The following PCDH15 variants were observed in gnomAD, a reference collection of about 807,000 sequenced individuals.
The protein encoded by PCDH15 is protocadherin-15.
A neutral mutation model predicts 178.5 loss-of-function variants in PCDH15; 129 were observed. The ratio of observed to expected loss-of-function variants is 0.72; its 90% CI spans 0.63 to 0.84. The LOEUF is 0.84. Among genes scored for constraint, PCDH15 ranks in the 40% least tolerant of loss-of-function variants. The pLI is 0.00. For synonymous variants in PCDH15, 800 were observed against 732.0 expected (o/e 1.09, Z -1.50); for missense variants, 2,230 against 2,099.9 (o/e 1.06, Z -1.21).
chr10:55,246,505 G>A (rs185525200), intron 1 of PCDH15, among the ~76,000 whole-genome samples: 24 of 152,178 alleles, frequency 1.6e-4, no homozygotes, highest in Admixed American at 3.9e-4. Context: ...CACTCAAATT[G>A]GAATTTAAAA....
intron 2 of PCDH15, among the ~76,000 whole-genome samples, chr10:54,958,873 C>T (rs1323057160): frequency 6.6e-6 from 1 of 151,792 alleles, no homozygotes; most frequent in Non-Finnish European, 1.5e-5. Context: ...TAAAATGACA[C>T]CTATGTTCTT....
intron 3 of PCDH15, among the ~76,000 whole-genome samples, chr10:54,519,453 C>A (rs2082605864): frequency 6.6e-6 from 1 of 152,016 alleles, no homozygotes; most frequent in Non-Finnish European, 1.5e-5. Context: ...GAGTGAACTC[C>A]CATTCACAAT....
rs1308550858 is a variant in PCDH15 at position 54,836,065 on chromosome 10, A to G, written c.-29+61385T>C. Among the ~76,000 whole-genome samples the G allele has an allele frequency of 2.0e-5, 3 of 152,324 alleles. No homozygotes were observed. The East Asian group carries it at 5.8e-4, about 29-fold the overall frequency. The stretch of plus-strand genomic sequence containing the variant: ...ACTGAAGGTTTTATTGCAACACAAA[A>G]AAGTTCCTAATTCTATTCTCACTTT... On this transcript the variant is annotated intron_variant, in intron 3 of 5. Transcript: ENST00000458638.
chr10:54,017,683 T>C (rs1315681930), intron 20 of PCDH15, among the ~76,000 whole-genome samples: 3 of 152,066 alleles, frequency 2.0e-5, no homozygotes, highest in Non-Finnish European at 2.9e-5. Context: ...AAACTAATTA[T>C]TGGGTACTAT....
At chr10:54,711,531 T>G (rs972838217) in intron 1 of PCDH15, among the ~76,000 whole-genome samples, 6 of 151,882 alleles carry the variant, frequency 4.0e-5, no homozygotes, top group African/African-American at 1.2e-4. Flanking sequence ...ATGTATCACA[T>G]GGATGAAAAC....
At chr10:54,948,677 A>G (rs1838253120) in intron 2 of PCDH15, among the ~76,000 whole-genome samples, 1 of 151,900 alleles carries the variant, frequency 6.6e-6, no homozygotes, top group Non-Finnish European at 1.5e-5. Flanking sequence ...ACTTCTCCTA[A>G]CAAGTTTATG....
chr10:53,991,198 C>T (rs968028711), intron 21 of PCDH15, among the ~76,000 whole-genome samples: 22 of 152,278 alleles, frequency 1.4e-4, no homozygotes, highest in African/African-American at 4.1e-4. Context: ...GGAGAGCGGG[C>T]GCGCGGTGCG....
intron 21 of PCDH15, among the ~76,000 whole-genome samples, chr10:53,994,141 C>T (rs2253882): frequency 0.52 from 78,588 of 152,026 alleles, 20,941 homozygotes; most frequent in Middle Eastern, 0.65. Context: ...GACAACTTTT[C>T]GCACCTTGGT....
chr10:54,249,645 G>C (rs553129376), intron 8 of PCDH15, among the ~76,000 whole-genome samples: 1 of 152,032 alleles, frequency 6.6e-6, no homozygotes, highest in Non-Finnish European at 1.5e-5. Flanking sequence ...ACATTTAGGA[G>C]GTTGGTGTTT....
intron 29 of PCDH15, among the ~76,000 whole-genome samples, chr10:53,839,131 G>A (rs1027450319): frequency 6.6e-6 from 1 of 150,908 alleles, no homozygotes; most frequent in East Asian, 2.0e-4. Context: ...GTGAACCCGG[G>A]AGGTGGAGCT....
In PCDH15 at chr10:54,309,888, G is replaced by A. The variant is rs551757809; in HGVS notation, c.876+7383C>T. 1.2e-4 allele frequency among the ~76,000 whole-genome samples: 18 copies of A among 152,130 alleles called. No individual in the cohort carries two copies. The East Asian group carries it at 1.9e-3, about 16-fold the overall frequency. ...CAAAGAAGTTTAAAGAATTCATAGC[G>A]TAGTGAAAGAAAAACATTCATAGTA... is the stretch of plus-strand genomic sequence containing the variant. On this transcript the variant is annotated intron_variant, in intron 8 of 37. Coordinates refer to ENST00000644397, the MANE Select transcript of PCDH15 (RefSeq NM_001384140.1).
chr10:54,303,715 C>T (rs1055485246), intron 8 of PCDH15, among the ~76,000 whole-genome samples: 4 of 152,036 alleles, frequency 2.6e-5, no homozygotes, highest in Non-Finnish European at 5.9e-5. Context: ...GTATACAGTC[C>T]AAGAAGTACT....
chr10:54,186,613 A>T (rs889054572), intron 11 of PCDH15, among the ~76,000 whole-genome samples: 21 of 151,948 alleles, frequency 1.4e-4, no homozygotes, highest in Non-Finnish European at 2.9e-5. Flanking sequence ...ACTGTGCTAC[A>T]TTTATCCTGG....
At chr10:55,191,725 C>T (rs1312974775) in intron 1 of PCDH15, among the ~76,000 whole-genome samples, 3 of 151,788 alleles carry the variant, frequency 2.0e-5, no homozygotes. Flanking sequence ...GACTTGAAAC[C>T]CCAGCAAACC....
At chr10:54,807,449 C>T (rs1483795706) in intron 3 of PCDH15, among the ~76,000 whole-genome samples, 1 of 151,822 alleles carries the variant, frequency 6.6e-6, no homozygotes, top group Non-Finnish European at 1.5e-5. Context: ...AAGCTACATG[C>T]AACAGAGGTA....
At chr10:54,775,385 G>A (rs952374971) in intron 1 of PCDH15, among the ~76,000 whole-genome samples, 2 of 152,088 alleles carry the variant, frequency 1.3e-5, no homozygotes, top group African/African-American at 2.4e-5. Flanking sequence ...ACATGTTTAT[G>A]GAGTACATAG....
intron 2 of PCDH15, among the ~76,000 whole-genome samples, chr10:55,505,674 G>GT (rs1455311866): frequency 6.6e-6 from 1 of 151,430 alleles, no homozygotes; most frequent in Non-Finnish European, 1.5e-5. Flanking sequence ...CAACAAACAT[G>GT]TATCAGGCAA....
chr10:55,226,404 C>G (rs1225937016), intron 1 of PCDH15, among the ~76,000 whole-genome samples: 1 of 151,394 alleles, frequency 6.6e-6, no homozygotes, highest in East Asian at 1.9e-4. Context: ...GAGCCTCACC[C>G]TGGAGTGCAG....
intron 3 of PCDH15, among the ~76,000 whole-genome samples, chr10:54,506,429 G>T (rs574571666): frequency 5.9e-5 from 9 of 151,788 alleles, no homozygotes; most frequent in African/African-American, 2.2e-4. Context: ...TTTTTTTTGA[G>T]AAATTAACAT....
Sources: gnomAD v4.1 joint callset for allele counts (sites outside exome capture counted in the v4.1 genomes callset) on GRCh38, gnomAD v4.1.1 for gene constraint, MANE v1.5 for transcripts, NCBI Gene and HGNC (gene_info 2026-07-23, HGNC 2026-07-21) for gene names.